The following SLC39A12 variants were observed in gnomAD, a reference collection of about 807,000 sequenced individuals.
The protein encoded by SLC39A12 is zinc transporter ZIP12.
In SLC39A12, 63 loss-of-function variants were observed where a neutral mutation model predicts 71.1. The observed-to-expected ratio is 0.89, with a 90% CI of 0.72 to 1.09. SLC39A12 has a LOEUF of 1.09. Ranked by LOEUF, SLC39A12 falls within the 50% of genes least tolerant of loss-of-function variation. The pLI is 0.00. For missense variants in SLC39A12, 892 were observed against 812.6 expected (o/e 1.10, Z -1.19); for synonymous variants, 351 against 301.3 (o/e 1.16, Z -1.71).
At chr10:17,992,088 C>CAAAAAAAAAAAAAA (rs59014549) in intron 8 of SLC39A12, among the ~76,000 whole-genome samples, 1 of 87,220 alleles carries the variant, frequency 1.1e-5, no homozygotes. Context: ...GACTCCATCT[C>CAAAAAAAAAAAAAA]AAAAAAAAAA....
At chr10:17,981,199 T>C (rs1032446692) in intron 5 of SLC39A12, 113 bp from the exon 6 acceptor site, 2 of 860,870 alleles carry the variant, frequency 2.3e-6, no homozygotes, top group East Asian at 2.6e-5. Context: ...ACCGGCTTCA[T>C]GTGTGTGTTC....
At chr10:18,041,093 C>T (rs1411198519) in intron 12 of SLC39A12, among the ~76,000 whole-genome samples, 1 of 152,088 alleles carries the variant, frequency 6.6e-6, no homozygotes, top group East Asian at 1.9e-4. Context: ...GCCTGTGTCC[C>T]AATGGAAATG....
At chr10:18,019,044 TTGATTA>T (rs1292533631) in intron 12 of SLC39A12, among the ~76,000 whole-genome samples, 1 of 152,140 alleles carries the variant, frequency 6.6e-6, no homozygotes, top group Non-Finnish European at 1.5e-5. Context: ...GGAGAGGTTA[TTGATTA>T]TTAATTCAAA....
intron 12 of SLC39A12, among the ~76,000 whole-genome samples, chr10:18,027,473 C>G (rs989917280): frequency 1.3e-5 from 2 of 152,224 alleles, no homozygotes; most frequent in African/African-American, 4.8e-5. Flanking sequence ...CTCCAGTGTT[C>G]ACTGTGAGAA....
chr10:17,954,542 C>T lies in SLC39A12; in HGVS notation c.261+1005C>T, dbSNP rs1033931403. On this transcript the variant is annotated intron_variant, in intron 2 of 12. Coordinates refer to ENST00000377369, the MANE Select transcript of SLC39A12 (RefSeq NM_001145195.2). ...GTGCTGGGATTACAGGTGTGAGCCA[C>T]GGCGCCCGGCCTCCAGGTCACTTTA... Among the ~76,000 whole-genome samples the T allele has an allele frequency of 4.6e-5, 7 of 152,138 alleles. No individual in the cohort carries two copies. In the South Asian group the frequency reaches 6.2e-4, roughly 14 times the overall value.
chr10:18,028,401 T>A (rs1323892910), intron 12 of SLC39A12, among the ~76,000 whole-genome samples: 1 of 152,208 alleles, frequency 6.6e-6, no homozygotes, highest in African/African-American at 2.4e-5. Context: ...ATAATGGGTC[T>A]TTAGTGATGC....
At chr10:18,011,755 T>G (rs1241500316) in intron 12 of SLC39A12, among the ~76,000 whole-genome samples, 1 of 152,216 alleles carries the variant, frequency 6.6e-6, no homozygotes, top group East Asian at 1.9e-4. Flanking sequence ...CTCTCCTAAT[T>G]GCGTGTGACA....
At chr10:18,011,102 T>G (rs1370171504) in intron 12 of SLC39A12, among the ~76,000 whole-genome samples, 1 of 152,114 alleles carries the variant, frequency 6.6e-6, no homozygotes, top group Non-Finnish European at 1.5e-5. Flanking sequence ...CTTCCTTTCT[T>G]TTTTTGAGAC....
At chr10:18,035,601 C>T (rs1836980613) in intron 12 of SLC39A12, among the ~76,000 whole-genome samples, 1 of 152,116 alleles carries the variant, frequency 6.6e-6, no homozygotes, top group Non-Finnish European at 1.5e-5. Flanking sequence ...GAATGTCCTC[C>T]CATAGCTCAG....
chr10:17,982,120 A>G (rs1424886696), intron 6 of SLC39A12, among the ~76,000 whole-genome samples: 1 of 152,292 alleles, frequency 6.6e-6, no homozygotes, highest in Admixed American at 6.5e-5. Context: ...CTGCTGTGGG[A>G]TGAAGGTGAC....
At chr10:17,981,081 C>T (rs1207348269) in intron 5 of SLC39A12, among the ~76,000 whole-genome samples, 1 of 152,106 alleles carries the variant, frequency 6.6e-6, no homozygotes, top group Non-Finnish European at 1.5e-5. Flanking sequence ...AAAACTCATA[C>T]TAAATAAGGC....
intron 12 of SLC39A12, chr10:18,009,777 G>A (rs1335302378): frequency 6.6e-6 from 1 of 151,936 alleles, no homozygotes; most frequent in Non-Finnish European, 1.5e-5. Context: ...CAGGATAAAA[G>A]GTATTTTGAA....
intron 12 of SLC39A12, among the ~76,000 whole-genome samples, chr10:18,036,159 G>A (rs1837007520): frequency 6.6e-6 from 1 of 152,222 alleles, no homozygotes; most frequent in Non-Finnish European, 1.5e-5. Flanking sequence ...GCCTCCTTGA[G>A]CTGTGGTGGG....
intron 8 of SLC39A12, among the ~76,000 whole-genome samples, chr10:17,992,974 GAC>G (rs1458270093): frequency 6.6e-6 from 1 of 152,124 alleles, no homozygotes; most frequent in Non-Finnish European, 1.5e-5. Context: ...TAAATAAAAA[GAC>G]AGTGTAAAAA....
intron 4 of SLC39A12, among the ~76,000 whole-genome samples, chr10:17,976,592 A>T (rs1835115571): frequency 6.6e-6 from 1 of 151,690 alleles, no homozygotes. Flanking sequence ...TAATTTTTAT[A>T]TATATATTTT....
intron 7 of SLC39A12, among the ~76,000 whole-genome samples, chr10:17,990,021 G>A (rs1386933065): frequency 2.0e-5 from 3 of 152,182 alleles, no homozygotes; most frequent in Non-Finnish European, 4.4e-5. Flanking sequence ...GTTTTCAAAC[G>A]TCTGCACAGA....
At chr10:17,986,836 T>A (rs1375730750) in intron 6 of SLC39A12, among the ~76,000 whole-genome samples, 1 of 151,922 alleles carries the variant, frequency 6.6e-6, no homozygotes, top group Non-Finnish European at 1.5e-5. Context: ...TGAGACCCTA[T>A]CTCTACTAAA....
At chr10:17,965,375 C>G in intron 3 of SLC39A12, 108 bp from the exon 4 acceptor site, 1 of 908,652 alleles carries the variant, frequency 1.1e-6, no homozygotes, top group Non-Finnish European at 1.7e-6. Context: ...ATTCAATTTT[C>G]TTTTAGAAAA....
At chr10:18,034,501 T>C (rs953647772) in intron 12 of SLC39A12, among the ~76,000 whole-genome samples, 2 of 151,950 alleles carry the variant, frequency 1.3e-5, no homozygotes, top group African/African-American at 4.8e-5. Context: ...ATTAGCTTGG[T>C]AGATCTTCCT....
Sources: gnomAD v4.1 joint callset for allele counts (sites outside exome capture counted in the v4.1 genomes callset) on GRCh38, gnomAD v4.1.1 for gene constraint, MANE v1.5 for transcripts, NCBI Gene and HGNC (gene_info 2026-07-23, HGNC 2026-07-21) for gene names.